The following FXN variants were observed in gnomAD, a reference collection of about 807,000 sequenced individuals.
FXN encodes frataxin, mitochondrial.
A neutral mutation model predicts 22.4 loss-of-function variants in FXN; 14 were observed. The ratio of observed to expected loss-of-function variants is 0.62; its 90% confidence interval spans 0.41 to 0.98. The LOEUF (loss-of-function observed/expected upper bound fraction) is 0.98. Among genes scored for constraint, FXN ranks in the 50% least tolerant of loss-of-function variants. The pLI is 0.00. For synonymous variants in FXN, 120 were observed against 114.1 expected (o/e 1.05, Z -0.33); for missense variants, 267 against 268.4 (o/e 0.99, Z 0.04).
In FXN at chr9:69,078,209, G is replaced by A. The variant is rs1832405938; in HGVS notation, c.*5447G>A. 1 of 984,462 alleles carries A rather than the reference G, an allele frequency of 1.0e-6. No individual in the cohort carries two copies. The highest frequency in any genetic ancestry group is 1.2e-6 in the Non-Finnish European group (1 of 829,180). The allele number at this position is 984,462 out of a possible 1,614,324, so 61.0% of individuals were successfully genotyped here. ...GTACTGCACATCTCCAGGTGCCACT[G>A]TTGACAGAGATTATAACTACAATGT... On this transcript the variant is annotated 3_prime_UTR_variant, in exon 5 of 5. Transcript: ENST00000484259.
In FXN at chr9:69,065,047, T is replaced by C. The variant is rs1832144364; in HGVS notation, c.482+12T>C. ...TCTTCTCCATCCAGGTATGTAGGTA[T>C]GTTCAGAAGTCAACATATGTAATTC... On this transcript the variant is annotated intron_variant, in intron 4 of 4. Coordinates refer to ENST00000484259, the MANE Select transcript of FXN (RefSeq NM_000144.5). The C allele has an allele frequency of 3.8e-6, 6 of 1,592,114 alleles. No homozygotes were observed. The highest frequency in any genetic ancestry group is 5.2e-6 in the Non-Finnish European group (6 of 1,160,018).
intron 3 of FXN, among the ~76,000 whole-genome samples, chr9:69,056,232 T>C (rs1215545993): frequency 6.6e-6 from 1 of 152,160 alleles, no homozygotes; most frequent in Non-Finnish European, 1.5e-5. Flanking sequence ...TCCCACTACC[T>C]GTAGGCAGGA....
At chr9:69,057,008 T>C (rs1831972576) in intron 3 of FXN, among the ~76,000 whole-genome samples, 1 of 151,946 alleles carries the variant, frequency 6.6e-6, no homozygotes, top group Non-Finnish European at 1.5e-5. Flanking sequence ...CCTCCCAAAG[T>C]GCTGGGATTA....
chr9:69,061,729 A>G (rs1256701690), intron 3 of FXN, among the ~76,000 whole-genome samples: 1 of 120,856 alleles, frequency 8.3e-6, no homozygotes, highest in Non-Finnish European at 1.6e-5. Flanking sequence ...TCCTGTGACC[A>G]TGTGTTCTCA....
intron 1 of FXN, chr9:69,036,267 T>A: frequency 5.0e-6 from 1 of 198,176 alleles, no homozygotes; most frequent in Non-Finnish European, 1.0e-5. Context: ...TGCGGCTGTC[T>A]CCATGCTTGT....
chr9:69,053,294 C>G (rs774161001), intron 3 of FXN, 34 bp downstream of exon 3: 10 of 1,609,018 alleles, frequency 6.2e-6, no homozygotes, highest in Non-Finnish European at 8.5e-6. Flanking sequence ...TTCTGTTTCC[C>G]CCTCTAAGAA....
In FXN at chr9:69,074,899, T is replaced by C; in HGVS notation, c.*2137T>C. On this transcript the variant is annotated 3_prime_UTR_variant, in exon 5 of 5. Coordinates refer to ENST00000484259, the MANE Select transcript of FXN (RefSeq NM_000144.5). Reference sequence around the variant, plus strand: ...ATAAATAACATCATACATGTTTGTATGTGTTTGCATCTTGCTTCTACTGAA... The same window carrying C: ...ATAAATAACATCATACATGTTTGTACGTGTTTGCATCTTGCTTCTACTGAA... 1 of 985,472 alleles carries C rather than the reference T, an allele frequency of 1.0e-6. No individual in the cohort carries two copies. Among genetic ancestry groups the C allele is most frequent in the Non-Finnish European group, 1.2e-6 (1 of 829,934 alleles). 61.0% of individuals were successfully genotyped at this position (985,472 alleles called of 1,614,324 possible).
Position 69,053,378 on chromosome 9 carries a change from T to C in FXN, c.384+118T>C, listed in dbSNP as rs1831890083. 3.1e-6 allele frequency: 4 copies of C among 1,281,904 alleles called. No individual in the cohort carries two copies. In the East Asian group the frequency reaches 9.8e-5, roughly 32 times the overall value. The allele number at this position is 1,281,904 out of a possible 1,614,324, so 79.4% of individuals were successfully genotyped here. A position where few individuals can be genotyped will look rare whatever the true frequency, so the allele number is the denominator to read the frequency against. On this transcript the variant is annotated intron_variant, in intron 3 of 4. Coordinates refer to ENST00000484259, the MANE Select transcript of FXN (RefSeq NM_000144.5). The stretch of plus-strand genomic sequence containing the variant: ...AAGTAGCATGTAGTTGTAGGTAGGA[T>C]TAAAAGACTAGGGTTCCGGGAGGTG...
chr9:69,070,627 T>A (rs955316169), intron 4 of FXN, among the ~76,000 whole-genome samples: 1 of 152,222 alleles, frequency 6.6e-6, no homozygotes, highest in Non-Finnish European at 1.5e-5. Flanking sequence ...GCAACTGTTA[T>A]TGGTTGATGC....
chr9:69,047,796 C>G (rs1831786941), intron 2 of FXN, among the ~76,000 whole-genome samples: 1 of 152,142 alleles, frequency 6.6e-6, no homozygotes, highest in African/African-American at 2.4e-5. Flanking sequence ...CGGCTCACTG[C>G]AGCCTCCGCC....
intron 2 of FXN, among the ~76,000 whole-genome samples, chr9:69,047,982 T>C (rs980595853): frequency 6.6e-6 from 1 of 152,156 alleles, no homozygotes; most frequent in Admixed American, 6.5e-5. Flanking sequence ...CCTCCCAAAG[T>C]GCTGGGATTA....
At chr9:69,046,683 G>A (rs1463581537) in intron 2 of FXN, among the ~76,000 whole-genome samples, 2 of 152,112 alleles carry the variant, frequency 1.3e-5, no homozygotes, top group East Asian at 3.8e-4. Flanking sequence ...CCCTACTGTT[G>A]GACATTCAGG....
chr9:69,070,906 A>G (rs1832262116), intron 4 of FXN, among the ~76,000 whole-genome samples: 1 of 152,044 alleles, frequency 6.6e-6, no homozygotes, highest in Non-Finnish European at 1.5e-5. Flanking sequence ...CGTGGCTTCA[A>G]GCAATCCTCC....
chr9:69,071,223 G>C (rs546878669), intron 4 of FXN: 1 of 519,022 alleles, frequency 1.9e-6, no homozygotes, highest in South Asian at 1.4e-5. Context: ...CTTGGGCTTG[G>C]TGTGGTTTAT....
Position 69,077,506 on chromosome 9 carries a change from TCTC to T in FXN, c.*4747_*4749del, listed in dbSNP as rs747897246. On this transcript the variant is annotated 3_prime_UTR_variant, in exon 5 of 5. Coordinates refer to ENST00000484259, the MANE Select transcript of FXN (RefSeq NM_000144.5). Reference sequence around the variant, plus strand: ...TAAAATTGGCTCTCAAAGATTTTCTTCTCCTGTGGAAAGTCAGACCTCTGAGGC... The same window carrying T: ...TAAAATTGGCTCTCAAAGATTTTCTTCTGTGGAAAGTCAGACCTCTGAGGC... 51 of 985,346 alleles carry T rather than the reference TCTC, an allele frequency of 5.2e-5. No individual in the cohort carries two copies. Among genetic ancestry groups the T allele is most frequent in the Non-Finnish European group, 5.9e-5 (49 of 829,962 alleles). The allele number at this position is 985,346 out of a possible 1,614,324, so 61.0% of individuals were successfully genotyped here. A position where few individuals can be genotyped will look rare whatever the true frequency, so the allele number is the denominator to read the frequency against.
At chr9:69,039,635 C>T (rs1303933806) in intron 1 of FXN, among the ~76,000 whole-genome samples, 1 of 152,022 alleles carries the variant, frequency 6.6e-6, no homozygotes, top group South Asian at 2.1e-4. Context: ...GAGACAGCTT[C>T]GAGGAGGAGA....
intron 1 of FXN, 71 bp from the exon 2 acceptor site, chr9:69,046,314 A>T: frequency 7.4e-6 from 8 of 1,079,272 alleles, no homozygotes; most frequent in South Asian, 1.3e-5. Flanking sequence ...AAGTAGCAAT[A>T]TATAAATTAT....
chr9:69,053,101 T>C (rs781122008), intron 2 of FXN, 39 bp from the exon 3 acceptor site: 1 of 1,607,446 alleles, frequency 6.2e-7, no homozygotes, highest in Non-Finnish European at 8.5e-7. Flanking sequence ...AATGGAAGCA[T>C]TTGGTAATCA....
chr9:69,036,736 T>C (rs1372903447), intron 1 of FXN, among the ~76,000 whole-genome samples: 1 of 152,190 alleles, frequency 6.6e-6, no homozygotes, highest in African/African-American at 2.4e-5. Context: ...CTTTCTTCCT[T>C]TGGGGGGTAC....
Sources: gnomAD v4.1 joint callset for allele counts (sites outside exome capture counted in the v4.1 genomes callset) on GRCh38, gnomAD v4.1.1 for gene constraint, MANE v1.5 for transcripts, NCBI Gene and HGNC (gene_info 2026-07-23, HGNC 2026-07-21) for gene names.